KCNIP4: variants seen among roughly 807,000 people sequenced by gnomAD.
KCNIP4 encodes the protein Kv channel-interacting protein 4.
KCNIP4 carries 12 observed loss-of-function variants against 34.0 expected under a neutral mutation model. That is an observed-to-expected ratio of 0.35 (90% CI 0.23 to 0.57). The LOEUF (loss-of-function observed/expected upper bound fraction) is 0.57. Ranked by LOEUF, KCNIP4 falls within the 20% of genes least tolerant of loss-of-function variation. The pLI is 0.83. For missense variants in KCNIP4, 238 were observed against 311.7 expected (o/e 0.76, Z 1.78); for synonymous variants, 124 against 102.2 (o/e 1.21, Z -1.29).
At chr4:21,057,320 C>A (rs957349427) in intron 1 of KCNIP4, among the ~76,000 whole-genome samples, 5 of 152,106 alleles carry the variant, frequency 3.3e-5, no homozygotes, top group Non-Finnish European at 7.4e-5. Context: ...ACACATAGTT[C>A]TGTCATAAAG....
chr4:21,026,695 A>G (rs1274375526), intron 1 of KCNIP4, among the ~76,000 whole-genome samples: 5 of 152,152 alleles, frequency 3.3e-5, no homozygotes, highest in African/African-American at 1.2e-4. Context: ...AAAAGGATCC[A>G]TGGTAACATC....
intron 1 of KCNIP4, among the ~76,000 whole-genome samples, chr4:20,957,894 C>T: frequency 6.6e-6 from 1 of 152,176 alleles, no homozygotes. Context: ...GTATTCTCTG[C>T]TTTCTGGCCT....
intron 3 of KCNIP4, among the ~76,000 whole-genome samples, chr4:20,770,497 G>C (rs570296526): frequency 2.3e-4 from 34 of 150,364 alleles, no homozygotes; most frequent in African/African-American, 7.0e-4. Context: ...ACCGAGTAAA[G>C]AATTCTACTT....
At chr4:21,779,873 G>A (rs1439650252) in intron 1 of KCNIP4, among the ~76,000 whole-genome samples, 1 of 151,700 alleles carries the variant, frequency 6.6e-6, no homozygotes, top group Non-Finnish European at 1.5e-5. Context: ...CAAGGCTGCA[G>A]TGAGCTATAA....
chr4:21,153,731 T>G (rs1386037871), intron 1 of KCNIP4, among the ~76,000 whole-genome samples: 1 of 152,044 alleles, frequency 6.6e-6, no homozygotes, highest in African/African-American at 2.4e-5. Context: ...AAAAAGAGCT[T>G]AGAAACACAT....
chr4:21,892,765 G>T (rs1366068067), intron 1 of KCNIP4, among the ~76,000 whole-genome samples: 1 of 152,008 alleles, frequency 6.6e-6, no homozygotes, highest in East Asian at 1.9e-4. Flanking sequence ...TAATTATTTA[G>T]ACCAGTGGTT....
chr4:21,858,122 T>A (rs10000447), intron 1 of KCNIP4, among the ~76,000 whole-genome samples: 1 of 152,026 alleles, frequency 6.6e-6, no homozygotes, highest in African/African-American at 2.4e-5. Flanking sequence ...CCTCACCACT[T>A]CAGTCACCCT....
At chr4:21,048,981 C>A (rs1560676584) in intron 1 of KCNIP4, among the ~76,000 whole-genome samples, 1 of 129,492 alleles carries the variant, frequency 7.7e-6, no homozygotes, top group Non-Finnish European at 1.6e-5. Context: ...GACGGAGTCT[C>A]GCTCTGTCGC....
intron 1 of KCNIP4, among the ~76,000 whole-genome samples, chr4:20,902,864 C>T (rs538490188): frequency 9.2e-4 from 140 of 152,298 alleles, no homozygotes; most frequent in Admixed American, 1.7e-3. Flanking sequence ...AATTAAATGA[C>T]TGTGTTCTCT....
chr4:21,268,031 G>A (rs1429652527), intron 1 of KCNIP4, among the ~76,000 whole-genome samples: 1 of 152,114 alleles, frequency 6.6e-6, no homozygotes, highest in African/African-American at 2.4e-5. Context: ...ATCAGATCCT[G>A]TTATTGGTCT....
intron 1 of KCNIP4, among the ~76,000 whole-genome samples, chr4:21,131,413 TC>T (rs1751061528): frequency 6.6e-6 from 1 of 152,050 alleles, no homozygotes; most frequent in South Asian, 2.1e-4. Context: ...ATCGAGACCA[TC>T]CTGGCTAACA....
intron 1 of KCNIP4, among the ~76,000 whole-genome samples, chr4:21,646,384 A>G (rs1747021183): frequency 6.6e-6 from 1 of 152,130 alleles, no homozygotes; most frequent in Non-Finnish European, 1.5e-5. Flanking sequence ...GGCTTCATCC[A>G]CCTCTTCATT....
At chr4:21,386,497 C>T (rs1722047482) in intron 1 of KCNIP4, among the ~76,000 whole-genome samples, 1 of 152,126 alleles carries the variant, frequency 6.6e-6, no homozygotes, top group Non-Finnish European at 1.5e-5. Context: ...CACATAATTT[C>T]CCCTGTTGTG....
At chr4:20,792,924 T>C (rs1712969267) in intron 3 of KCNIP4, among the ~76,000 whole-genome samples, 1 of 152,176 alleles carries the variant, frequency 6.6e-6, no homozygotes, top group African/African-American at 2.4e-5. Context: ...AACCCAAATG[T>C]TGTTGAGGAT....
At chr4:21,342,974 T>A (rs1000433326) in intron 1 of KCNIP4, among the ~76,000 whole-genome samples, 3 of 152,162 alleles carry the variant, frequency 2.0e-5, no homozygotes, top group East Asian at 1.9e-4. Context: ...ACTGTTCATT[T>A]TTTTTTCTGA....
chr4:20,966,379 C>A (rs1327135440), intron 1 of KCNIP4, among the ~76,000 whole-genome samples: 1 of 152,154 alleles, frequency 6.6e-6, no homozygotes, highest in Non-Finnish European at 1.5e-5. Flanking sequence ...GGGGAAAGTA[C>A]TTGATTCTAA....
At chr4:21,652,064 C>T (rs896218612) in intron 1 of KCNIP4, among the ~76,000 whole-genome samples, 1 of 152,162 alleles carries the variant, frequency 6.6e-6, no homozygotes, top group Non-Finnish European at 1.5e-5. Context: ...AACAGGTCTA[C>T]ACCTCTAACA....
intron 1 of KCNIP4, among the ~76,000 whole-genome samples, chr4:21,740,904 T>C (rs1347577535): frequency 6.6e-6 from 1 of 152,110 alleles, no homozygotes. Context: ...GGGTATTACA[T>C]TGCCCTAAAG....
intron 1 of KCNIP4, among the ~76,000 whole-genome samples, chr4:20,895,856 G>A (rs1726454349): frequency 1.3e-5 from 2 of 152,170 alleles, no homozygotes; most frequent in Admixed American, 6.5e-5. Context: ...TAATTCTAAT[G>A]GGAGGCCAAA....
Sources: gnomAD v4.1 joint callset for allele counts (sites outside exome capture counted in the v4.1 genomes callset) on GRCh38, gnomAD v4.1.1 for gene constraint, MANE v1.5 for transcripts, NCBI Gene and HGNC (gene_info 2026-07-23, HGNC 2026-07-21) for gene names.